FRMD4A: variants seen among roughly 807,000 people sequenced by gnomAD.
FRMD4A encodes FERM domain containing 4A, also known as FERM domain-containing protein 4A.
Under a neutral mutation model 129.1 loss-of-function variants are expected in FRMD4A, and 29 were observed. That is an observed-to-expected ratio of 0.22 (90% CI 0.17 to 0.31). The LOEUF (loss-of-function observed/expected upper bound fraction) is 0.31. Ranked by LOEUF, FRMD4A falls within the 10% of genes least tolerant of loss-of-function variation. The pLI is 1.00. For synonymous variants in FRMD4A, 634 were observed against 571.6 expected (o/e 1.11, Z -1.56); for missense variants, 1,272 against 1,375.8 (o/e 0.92, Z 1.19).
intron 2 of FRMD4A, among the ~76,000 whole-genome samples, chr10:14,148,945 T>C (rs1380785386): frequency 6.6e-6 from 1 of 152,126 alleles, no homozygotes; most frequent in Non-Finnish European, 1.5e-5. Flanking sequence ...CCCAGACAAA[T>C]ATGGATGCTC....
intron 6 of FRMD4A, among the ~76,000 whole-genome samples, chr10:13,778,009 G>T (rs2092640347): frequency 6.6e-6 from 1 of 151,854 alleles, no homozygotes; most frequent in South Asian, 2.1e-4. Context: ...CACCATGTTG[G>T]TCAGGCTGGT....
At chr10:14,213,579 G>A (rs904796517) in intron 2 of FRMD4A, among the ~76,000 whole-genome samples, 1 of 152,218 alleles carries the variant, frequency 6.6e-6, no homozygotes, top group Non-Finnish European at 1.5e-5. Flanking sequence ...CCCTGGGCTA[G>A]GATGGTCTGC....
intron 2 of FRMD4A, among the ~76,000 whole-genome samples, chr10:14,316,734 A>C (rs1385145322): frequency 6.6e-6 from 1 of 152,230 alleles, no homozygotes; most frequent in Non-Finnish European, 1.5e-5. Flanking sequence ...TGACCACATG[A>C]GGAATATCAG....
At chr10:14,211,636 C>T (rs1296315237) in intron 2 of FRMD4A, among the ~76,000 whole-genome samples, 1 of 152,118 alleles carries the variant, frequency 6.6e-6, no homozygotes, top group Non-Finnish European at 1.5e-5. Context: ...ATCTTGGGTC[C>T]TCCTCCAGCT....
intron 2 of FRMD4A, among the ~76,000 whole-genome samples, chr10:13,931,439 C>T (rs2095193726): frequency 6.6e-6 from 1 of 152,098 alleles, no homozygotes; most frequent in South Asian, 2.1e-4. Flanking sequence ...GACCCTTGTA[C>T]CAATGACCAT....
At chr10:14,032,059 C>T (rs1833272788) in intron 2 of FRMD4A, among the ~76,000 whole-genome samples, 1 of 152,182 alleles carries the variant, frequency 6.6e-6, no homozygotes, top group African/African-American at 2.4e-5. Context: ...CCTCAGGCCT[C>T]AGCCTCTTGA....
intron 12 of FRMD4A, among the ~76,000 whole-genome samples, chr10:13,729,954 T>C (rs541627618): frequency 6.6e-6 from 1 of 152,366 alleles, no homozygotes; most frequent in South Asian, 2.1e-4. Context: ...TCACAATATT[T>C]GCTCTAATGC....
chr10:14,281,244 G>T (rs1363747126), intron 2 of FRMD4A, among the ~76,000 whole-genome samples: 1 of 151,942 alleles, frequency 6.6e-6, no homozygotes, highest in Admixed American at 6.6e-5. Flanking sequence ...TGCCAGCCTT[G>T]GCCTCCCAAA....
At chr10:13,664,717 T>C (rs1284093827) in intron 18 of FRMD4A, among the ~76,000 whole-genome samples, 6 of 145,328 alleles carry the variant, frequency 4.1e-5, no homozygotes, top group African/African-American at 1.3e-4. Flanking sequence ...TTTTTTTTTT[T>C]CAGAGATGAG....
chr10:13,804,512 G>C (rs957883130), intron 4 of FRMD4A, among the ~76,000 whole-genome samples: 6 of 139,544 alleles, frequency 4.3e-5, no homozygotes, highest in African/African-American at 1.7e-4. Flanking sequence ...CATCTTCAAT[G>C]AGTCAGGACT....
intron 8 of FRMD4A, among the ~76,000 whole-genome samples, chr10:13,759,461 G>A (rs557378802): frequency 3.3e-5 from 5 of 152,244 alleles, no homozygotes; most frequent in South Asian, 4.1e-4. Flanking sequence ...ATTCCATCCC[G>A]TCAGGGTACT....
At chr10:13,868,029 G>A (rs2094396237) in intron 2 of FRMD4A, among the ~76,000 whole-genome samples, 1 of 149,390 alleles carries the variant, frequency 6.7e-6, no homozygotes, top group Non-Finnish European at 1.5e-5. Flanking sequence ...TAAGGCAGAA[G>A]GATTGCTTGA....
chr10:14,002,822 AG>A (rs77251139), intron 2 of FRMD4A, among the ~76,000 whole-genome samples: 1 of 152,150 alleles, frequency 6.6e-6, no homozygotes, highest in East Asian at 1.9e-4. Context: ...AAAGAAGTAA[AG>A]GGGGTGGAGG....
chr10:13,814,831 G>C (rs1310664744), intron 3 of FRMD4A, among the ~76,000 whole-genome samples: 2 of 152,096 alleles, frequency 1.3e-5, no homozygotes, highest in African/African-American at 4.8e-5. Context: ...TCCATAGAAT[G>C]ATTGGGCCTG....
At chr10:14,083,253 C>T (rs1359731) in intron 2 of FRMD4A, 70,359 of 152,116 alleles carry the variant, frequency 0.46, 16,974 homozygotes, top group East Asian at 0.79. Context: ...TTCCTCAGCA[C>T]AGCTGCATAA....
intron 2 of FRMD4A, among the ~76,000 whole-genome samples, chr10:14,093,639 A>C (rs1836779490): frequency 6.6e-6 from 1 of 152,208 alleles, no homozygotes; most frequent in South Asian, 2.1e-4. Context: ...GTTTATGGAC[A>C]ATAAACAAAT....
chr10:13,695,286 G>A (rs897725152), intron 14 of FRMD4A, among the ~76,000 whole-genome samples: 4 of 151,952 alleles, frequency 2.6e-5, no homozygotes, highest in African/African-American at 9.7e-5. Flanking sequence ...GATTACAGGT[G>A]TCCACCACCA....
intron 2 of FRMD4A, among the ~76,000 whole-genome samples, chr10:14,217,582 C>T (rs925475464): frequency 6.6e-6 from 1 of 152,094 alleles, no homozygotes; most frequent in Non-Finnish European, 1.5e-5. Flanking sequence ...TTGCCCAGTC[C>T]TGGTTATGTC....
At chr10:14,013,808 G>A (rs956221843) in intron 2 of FRMD4A, among the ~76,000 whole-genome samples, 1 of 152,322 alleles carries the variant, frequency 6.6e-6, no homozygotes, top group Admixed American at 6.5e-5. Flanking sequence ...GTGCATCCCT[G>A]TAATCCCAGT....
Sources: gnomAD v4.1 joint callset for allele counts (sites outside exome capture counted in the v4.1 genomes callset) on GRCh38, gnomAD v4.1.1 for gene constraint, MANE v1.5 for transcripts, NCBI Gene and HGNC (gene_info 2026-07-23, HGNC 2026-07-21) for gene names.